The following FSTL5 variants were observed in gnomAD, a reference collection of about 807,000 sequenced individuals.
FSTL5 encodes the protein follistatin-related protein 5.
Under a neutral mutation model 89.1 loss-of-function variants are expected in FSTL5, and 62 were observed. That is an observed-to-expected ratio of 0.70 (90% CI 0.57 to 0.86). The LOEUF (loss-of-function observed/expected upper bound fraction) is 0.86, where lower values mean the gene tolerates loss of function less well. FSTL5 is among the 40% of genes least tolerant of loss of function. FSTL5 has a pLI of 0.00. For missense variants in FSTL5, 1,057 were observed against 1,001.6 expected (o/e 1.06, Z -0.75); for synonymous variants, 383 against 346.2 (o/e 1.11, Z -1.18).
At chr4:162,125,128 C>T (rs772329606) in intron 1 of FSTL5, among the ~76,000 whole-genome samples, 5 of 152,098 alleles carry the variant, frequency 3.3e-5, no homozygotes, top group Non-Finnish European at 7.4e-5. Context: ...CAAGTAGGGC[C>T]GTTAGCCCAG....
chr4:161,401,634 CCT>C (rs774897197), intron 15 of FSTL5, among the ~76,000 whole-genome samples: 2 of 152,156 alleles, frequency 1.3e-5, no homozygotes, highest in African/African-American at 2.4e-5. Context: ...ACGCCATTCC[CCT>C]GTTTCAGCCT....
intron 6 of FSTL5, among the ~76,000 whole-genome samples, chr4:161,727,106 G>A (rs1275793666): frequency 6.6e-6 from 1 of 152,134 alleles, no homozygotes; most frequent in African/African-American, 2.4e-5. Context: ...TACTGAACTG[G>A]GAAAGAAATA....
chr4:161,641,969 A>G (rs1735983170), intron 7 of FSTL5, among the ~76,000 whole-genome samples: 1 of 152,252 alleles, frequency 6.6e-6, no homozygotes, highest in East Asian at 1.9e-4. Flanking sequence ...GCTCTAAGGC[A>G]TATAGAAAAC....
chr4:161,865,339 A>T (rs80042337), intron 4 of FSTL5, among the ~76,000 whole-genome samples: 2,039 of 152,322 alleles, frequency 0.013, 61 homozygotes, highest in African/African-American at 0.045. Context: ...TTTAAAATTA[A>T]TTGTGCAAAG....
At position 161,668,247 on chromosome 4, in the gene FSTL5, G is replaced by C. The variant is rs575374996; in HGVS notation, c.728-11753C>G. Among the ~76,000 whole-genome samples, 160 of 152,188 alleles carry C rather than the reference G, an allele frequency of 1.1e-3. 2 individuals carry two copies. The highest frequency in any genetic ancestry group is 1.1e-3 in the Non-Finnish European group (78 of 67,978). ...ATAAAAGTTACACAAAAAATTCTGT[G>C]CCCACAAATTTGATAACCTAGGTTA... On this transcript the variant is annotated intron_variant, in intron 6 of 15. Transcript: ENST00000306100.
chr4:161,967,156 T>TTTTAG (rs1735352222), intron 3 of FSTL5, among the ~76,000 whole-genome samples: 3 of 152,052 alleles, frequency 2.0e-5, no homozygotes, highest in Non-Finnish European at 4.4e-5. Context: ...AAAATTTTAA[T>TTTTAG]TTTAGTTTAG....
At chr4:162,135,715 A>T (rs181414569) in intron 1 of FSTL5, among the ~76,000 whole-genome samples, 7 of 152,088 alleles carry the variant, frequency 4.6e-5, no homozygotes, top group African/African-American at 1.7e-4. Context: ...TGTATTGTTT[A>T]TCTTTGTAGT....
At chr4:162,018,213 A>G (rs1458734378) in intron 3 of FSTL5, among the ~76,000 whole-genome samples, 2 of 152,160 alleles carry the variant, frequency 1.3e-5, no homozygotes, top group Non-Finnish European at 2.9e-5. Context: ...GAGTAAGAGA[A>G]GAGAAGTAGG....
chr4:161,543,608 C>G (rs1731906822), intron 8 of FSTL5, among the ~76,000 whole-genome samples: 1 of 151,914 alleles, frequency 6.6e-6, no homozygotes, highest in Non-Finnish European at 1.5e-5. Flanking sequence ...CAGTGCAATC[C>G]TGACACAAAG....
At position 161,469,634 on chromosome 4, in the gene FSTL5, TTATC is replaced by T. The variant is rs775617944; in HGVS notation, c.1609-10319_1609-10316del. Among the ~76,000 whole-genome samples, 648 of 127,924 alleles carry T rather than the reference TTATC, an allele frequency of 5.1e-3. 3 individuals carry two copies. The highest frequency in any genetic ancestry group is 8.2e-3 in the Non-Finnish European group (525 of 64,312). 83.9% of individuals were successfully genotyped at this position (127,924 alleles called of 152,430 possible). A position where few individuals can be genotyped will look rare whatever the true frequency, so the allele number is the denominator to read the frequency against. On this transcript the variant is annotated intron_variant, in intron 13 of 15. Transcript: ENST00000306100. ...TATTGAAGTTCTTTGCCCACTTTATTTATCTATTTTTTTTTTTTTTTGAAGCGGA... is the reference window on the plus strand; with the variant it reads ...TATTGAAGTTCTTTGCCCACTTTATTTATTTTTTTTTTTTTTTGAAGCGGA...
At chr4:162,125,205 T>C (rs1732032405) in intron 1 of FSTL5, among the ~76,000 whole-genome samples, 1 of 152,188 alleles carries the variant, frequency 6.6e-6, no homozygotes, top group African/African-American at 2.4e-5. Flanking sequence ...ATTTTAATTA[T>C]ATTTTTAATT....
intron 4 of FSTL5, among the ~76,000 whole-genome samples, chr4:161,781,538 ATT>A (rs1213239530): frequency 6.6e-6 from 1 of 152,148 alleles, no homozygotes; most frequent in African/African-American, 2.4e-5. Flanking sequence ...AACATAGTAC[ATT>A]TAAAGAGCCG....
intron 6 of FSTL5, among the ~76,000 whole-genome samples, chr4:161,723,764 C>T (rs1159262378): frequency 6.6e-6 from 1 of 152,026 alleles, no homozygotes; most frequent in Non-Finnish European, 1.5e-5. Context: ...CAGATGTTTT[C>T]ATTAAGAAGA....
At chr4:161,656,624 A>T (rs1736528152) in intron 6 of FSTL5, 130 bp from the exon 7 acceptor site, 1 of 491,250 alleles carries the variant, frequency 2.0e-6, no homozygotes, top group Admixed American at 4.3e-5. Flanking sequence ...TGATGAAATG[A>T]AAAAAGAGAA....
At chr4:161,396,183 A>AT in intron 15 of FSTL5, among the ~76,000 whole-genome samples, 1 of 152,130 alleles carries the variant, frequency 6.6e-6, no homozygotes, top group Non-Finnish European at 1.5e-5. Context: ...GAGCTCAGCC[A>AT]TCAACCAATC....
At chr4:161,564,892 A>G (rs931967201) in intron 8 of FSTL5, among the ~76,000 whole-genome samples, 2 of 151,896 alleles carry the variant, frequency 1.3e-5, no homozygotes, top group Admixed American at 6.6e-5. Flanking sequence ...TTCCAATTCA[A>G]TAGCATAAAT....
At chr4:161,893,033 T>C (rs906273427) in intron 4 of FSTL5, among the ~76,000 whole-genome samples, 3 of 152,274 alleles carry the variant, frequency 2.0e-5, no homozygotes, top group East Asian at 3.9e-4. Flanking sequence ...ATTTCTGTTT[T>C]AACACTTAGT....
chr4:161,498,039 T>A (rs2126480728), intron 12 of FSTL5, among the ~76,000 whole-genome samples: 1 of 151,846 alleles, frequency 6.6e-6, no homozygotes, highest in East Asian at 1.9e-4. Context: ...CCTGGATACA[T>A]CACATTGCTT....
chr4:162,143,782 A>G (rs1023346465), intron 1 of FSTL5, among the ~76,000 whole-genome samples: 2 of 55,634 alleles, frequency 3.6e-5, no homozygotes, highest in African/African-American at 6.4e-5. Context: ...ATCTGACTTT[A>G]AATACACACA....
Sources: gnomAD v4.1 joint callset for allele counts (sites outside exome capture counted in the v4.1 genomes callset) on GRCh38, gnomAD v4.1.1 for gene constraint, MANE v1.5 for transcripts, NCBI Gene and HGNC (gene_info 2026-07-23, HGNC 2026-07-21) for gene names.